ABAT: variants seen among roughly 807,000 people sequenced by gnomAD.
ABAT encodes 4-aminobutyrate aminotransferase, mitochondrial.
In ABAT, 45 loss-of-function variants were observed where a neutral mutation model predicts 64.6. The observed-to-expected ratio is 0.70, with a 90% CI of 0.55 to 0.89. ABAT has a LOEUF of 0.89. ABAT is among the 40% of genes least tolerant of loss of function. ABAT has a pLI of 0.00. For missense variants in ABAT, 633 were observed against 658.4 expected (o/e 0.96, Z 0.42); for synonymous variants, 297 against 250.5 (o/e 1.19, Z -1.75).
chr16:8,735,254 T>C (rs1318125102), intron 1 of ABAT, among the ~76,000 whole-genome samples: 2 of 151,506 alleles, frequency 1.3e-5, no homozygotes, highest in African/African-American at 2.4e-5. Flanking sequence ...TGTTTTGTTT[T>C]GGTTTGGTTT....
intron 1 of ABAT, among the ~76,000 whole-genome samples, chr16:8,726,262 C>CTTTTTTTTTTTTTT (rs71152921): frequency 1.7e-5 from 2 of 120,818 alleles, no homozygotes; most frequent in Non-Finnish European, 3.3e-5. Context: ...ATGACTAGAT[C>CTTTTTTTTTTTTTT]TTTTTTTTTT....
intron 1 of ABAT, among the ~76,000 whole-genome samples, chr16:8,698,296 T>C (rs972205428): frequency 2.6e-5 from 4 of 152,078 alleles, no homozygotes; most frequent in African/African-American, 4.8e-5. Flanking sequence ...TCTGCTCATA[T>C]GCTCATGGAC....
intron 2 of ABAT, among the ~76,000 whole-genome samples, chr16:8,742,432 C>G (rs1379988330): frequency 6.6e-6 from 1 of 152,064 alleles, no homozygotes; most frequent in Non-Finnish European, 1.5e-5. Flanking sequence ...TTTCATTTTC[C>G]CCCTTTGCTG....
At chr16:8,726,077 C>A (rs1357113869) in intron 1 of ABAT, among the ~76,000 whole-genome samples, 1 of 151,980 alleles carries the variant, frequency 6.6e-6, no homozygotes, top group Non-Finnish European at 1.5e-5. Context: ...CCCATTCAAC[C>A]CGCCACTACC....
intron 1 of ABAT, among the ~76,000 whole-genome samples, chr16:8,682,662 C>G (rs181650165): frequency 2.0e-4 from 30 of 152,336 alleles, no homozygotes; most frequent in South Asian, 2.1e-4. Context: ...CTGCCAGCAT[C>G]TCCCATTTAG....
chr16:8,734,579 T>C (rs1284645863), intron 1 of ABAT, among the ~76,000 whole-genome samples: 1 of 152,124 alleles, frequency 6.6e-6, no homozygotes, highest in African/African-American at 2.4e-5. Flanking sequence ...ATGTTAATAA[T>C]AGTAATAAAT....
At chr16:8,736,921 C>T (rs1374958629) in intron 2 of ABAT, 1 of 152,220 alleles carries the variant, frequency 6.6e-6, no homozygotes, top group African/African-American at 2.4e-5. Flanking sequence ...TGGCCTCCTG[C>T]AGAGATATAA....
intron 1 of ABAT, among the ~76,000 whole-genome samples, chr16:8,686,202 C>T (rs571870316): frequency 1.3e-5 from 2 of 152,336 alleles, no homozygotes; most frequent in Non-Finnish European, 2.9e-5. Flanking sequence ...GCAGGCTGAG[C>T]GCCGGTCTGG....
At chr16:8,702,594 A>G (rs1402618981) in intron 1 of ABAT, among the ~76,000 whole-genome samples, 1 of 152,096 alleles carries the variant, frequency 6.6e-6, no homozygotes, top group East Asian at 1.9e-4. Context: ...ACTCTATCAC[A>G]AGAACAGCAC....
chr16:8,729,125 G>T (rs2058643480), intron 1 of ABAT, among the ~76,000 whole-genome samples: 1 of 145,436 alleles, frequency 6.9e-6, no homozygotes, highest in Non-Finnish European at 1.5e-5. Context: ...TTCACAACGT[G>T]AGAAAAACCT....
intron 6 of ABAT, chr16:8,760,314 C>T (rs2059760678): frequency 6.6e-6 from 1 of 152,188 alleles, no homozygotes; most frequent in South Asian, 2.1e-4. Flanking sequence ...ACATACTTAT[C>T]CACACATGAC....
intron 1 of ABAT, 99 bp from the exon 2 acceptor site, chr16:8,735,600 G>C: frequency 1.0e-6 from 1 of 996,692 alleles, no homozygotes; most frequent in Non-Finnish European, 1.5e-6. Flanking sequence ...AATGTCAGAA[G>C]AACTTTCTCT....
chr16:8,710,727 A>AGAGAGAGAGAGAGAGAGAGGAGAGGGAGG (rs146344975), intron 1 of ABAT, among the ~76,000 whole-genome samples: 9 of 103,760 alleles, frequency 8.7e-5, no homozygotes, highest in Non-Finnish European at 1.0e-4. Context: ...AGAGAGAGAG[A>AGAGAGAGAGAGAGAGAGAGGAGAGGGAGG]GAGGAAATAG....
At position 8,781,381 on chromosome 16, in the gene ABAT, C is replaced by T; in HGVS notation, c.1454C>T (p.Ala485Val). ...ACGCTGGTCTTCAGGGATCACCACG[C>T]TCACCTGTTCCTCAATATTTTCAGT... ...RPTLVFRDHHAHLFLNIFSDI... is the reference protein window; with the variant it reads ...RPTLVFRDHHVHLFLNIFSDI... Residue 485 changes from alanine (A) to valine (V), a missense_variant, in exon 16 of 16, where the codon GCT becomes GTT. Transcript: ENST00000268251. The surrounding 1 kb of genome is among the most constrained non-coding windows in gnomAD (Gnocchi z 4.5). The T allele has an allele frequency of 1.9e-6, 3 of 1,614,226 alleles. No individual in the cohort carries two copies. The highest frequency in any genetic ancestry group is 2.5e-6 in the Non-Finnish European group (3 of 1,180,032).
At chr16:8,724,512 G>T (rs534720129) in intron 1 of ABAT, among the ~76,000 whole-genome samples, 3 of 152,186 alleles carry the variant, frequency 2.0e-5, no homozygotes, top group African/African-American at 7.2e-5. Flanking sequence ...TGGGAGGACT[G>T]CTTGAGCCCA....
chr16:8,722,713 C>A, intron 1 of ABAT: 1 of 829,618 alleles, frequency 1.2e-6, no homozygotes, highest in Admixed American at 2.6e-5. Context: ...CGTGCCAGTG[C>A]TCTGAAAGCA....
chr16:8,710,967 A>G (rs941047610), intron 1 of ABAT, among the ~76,000 whole-genome samples: 5 of 152,230 alleles, frequency 3.3e-5, no homozygotes, highest in Non-Finnish European at 7.3e-5. Context: ...ATAAAGCGCC[A>G]TCGCATTCTT....
chr16:8,693,353 T>C (rs2057629372), intron 1 of ABAT, among the ~76,000 whole-genome samples: 1 of 152,146 alleles, frequency 6.6e-6, no homozygotes, highest in African/African-American at 2.4e-5. Context: ...TTTCTAGTTG[T>C]CACAAATCTC....
chr16:8,757,626 G>C (rs2059685332), intron 5 of ABAT, 131 bp from the exon 6 acceptor site: 1 of 1,026,988 alleles, frequency 9.7e-7, no homozygotes, highest in South Asian at 1.3e-5. Context: ...TGTCAACAAA[G>C]GATAAAAGAC....
Sources: gnomAD v4.1 joint callset for allele counts (sites outside exome capture counted in the v4.1 genomes callset) on GRCh38, gnomAD v4.1.1 for gene constraint, Gnocchi (gnomAD v3.1) non-coding constraint, MANE v1.5 for transcripts, NCBI Gene and HGNC (gene_info 2026-07-23, HGNC 2026-07-21) for gene names.